SUMF1: variants seen among roughly 807,000 people sequenced by gnomAD.
The protein encoded by SUMF1 is formylglycine-generating enzyme.
In SUMF1, 48 loss-of-function variants were observed where a neutral mutation model predicts 47.6. The observed-to-expected ratio is 1.01, with a 90% confidence interval of 0.80 to 1.28. SUMF1 has a LOEUF of 1.28. Ranked by LOEUF, SUMF1 falls within the 50% of genes most tolerant of loss-of-function variation. The pLI is 0.00. For synonymous variants in SUMF1, 230 were observed against 192.1 expected, an observed-to-expected ratio of 1.20 and a Z score of -1.63; for missense variants, 571 against 485.4, an observed-to-expected ratio of 1.18 and a Z score of -1.66.
intron 8 of SUMF1, among the ~76,000 whole-genome samples, chr3:4,133,100 G>A (rs1263573176): frequency 2.0e-5 from 3 of 152,098 alleles, no homozygotes; most frequent in African/African-American, 7.3e-5. Context: ...TGCAGAAAGA[G>A]GACTGTAATT....
intron 8 of SUMF1, among the ~76,000 whole-genome samples, chr3:4,072,154 G>A (rs1032564478): frequency 1.3e-5 from 2 of 152,130 alleles, no homozygotes; most frequent in African/African-American, 4.8e-5. Flanking sequence ...GGAAAACAGG[G>A]TCTGGAGTGG....
intron 8 of SUMF1, among the ~76,000 whole-genome samples, chr3:4,130,403 G>T (rs769048440): frequency 3.9e-5 from 6 of 152,164 alleles, no homozygotes; most frequent in Non-Finnish European, 7.4e-5. Flanking sequence ...TATCTCAGGG[G>T]TATACAAACT....
chr3:4,288,739 G>A (rs894842325), intron 8 of SUMF1, among the ~76,000 whole-genome samples: 2 of 151,592 alleles, frequency 1.3e-5, no homozygotes, highest in Non-Finnish European at 2.9e-5. Flanking sequence ...GGAGGTGGAG[G>A]TTGCAGTGAG....
intron 8 of SUMF1, among the ~76,000 whole-genome samples, chr3:4,145,663 T>G (rs955400702): frequency 1.3e-5 from 2 of 152,186 alleles, no homozygotes; most frequent in African/African-American, 4.8e-5. Flanking sequence ...TCCTTTGACT[T>G]TTCATGTCTG....
intron 9 of SUMF1, among the ~76,000 whole-genome samples, chr3:4,055,125 A>C (rs1468714509): frequency 6.6e-6 from 1 of 152,182 alleles, no homozygotes; most frequent in African/African-American, 2.4e-5. Flanking sequence ...TGTTGTTGAC[A>C]CTCATCTGAA....
intron 1 of SUMF1, among the ~76,000 whole-genome samples, chr3:4,462,561 G>GT (rs1201037279): frequency 6.6e-6 from 1 of 152,018 alleles, no homozygotes; most frequent in Non-Finnish European, 1.5e-5. Context: ...ACTTGCTACC[G>GT]TAAGATTTTT....
intron 8 of SUMF1, among the ~76,000 whole-genome samples, chr3:4,271,312 G>A (rs991120240): frequency 9.2e-5 from 14 of 152,052 alleles, no homozygotes; most frequent in African/African-American, 2.7e-4. Context: ...GTGTTCTTGG[G>A]CCAACCACTC....
Position 4,457,197 on chromosome 3 carries a change from C to G in SUMF1, c.271-4148G>C, listed in dbSNP as rs2079684723. Among the ~76,000 whole-genome samples, 5 of 151,598 alleles carry G rather than the reference C, an allele frequency of 3.3e-5. 1 individual carries two copies. The South Asian group carries it at 1.0e-3, about 32-fold the overall frequency. ...CCTCAGGTGATCCACCCACCTCAGC[C>G]TCCCAAAGTGCTGGGATTACAGGCA... On this transcript the variant is annotated intron_variant, in intron 1 of 8. Coordinates refer to ENST00000272902, the MANE Select transcript of SUMF1 (RefSeq NM_182760.4).
chr3:4,255,553 A>C lies in SUMF1; in HGVS notation c.1014+120777T>G, dbSNP rs1696930553. Among the ~76,000 whole-genome samples, 6 of 55,612 alleles carry C rather than the reference A, an allele frequency of 1.1e-4. No homozygotes were observed. The South Asian group carries it at 3.0e-3, about 28-fold the overall frequency. The allele number at this position is 55,612 out of a possible 152,430, so 36.5% of individuals were successfully genotyped here. A position where few individuals can be genotyped will look rare whatever the true frequency, so the allele number is the denominator to read the frequency against. On this transcript the variant is annotated intron_variant and NMD_transcript_variant, in intron 8 of 12. Transcript: ENST00000448413. ...ATAATGGTAAAGGGATCAATTCAAC[A>C]AGAAGAGCTAACTATCCTAAATATA...
At chr3:4,456,650 A>T (rs62231418) in intron 1 of SUMF1, among the ~76,000 whole-genome samples, 1 of 119,122 alleles carries the variant, frequency 8.4e-6, no homozygotes, top group Non-Finnish European at 1.8e-5. Context: ...ATATATATAT[A>T]TGTGTGTGTA....
intron 8 of SUMF1, among the ~76,000 whole-genome samples, chr3:4,170,871 G>C (rs932205321): frequency 6.6e-6 from 1 of 152,068 alleles, no homozygotes; most frequent in South Asian, 2.1e-4. Context: ...ATGGTTTGTA[G>C]GAAAAATAAA....
Position 4,335,973 on chromosome 3 carries a change from A to AAC in SUMF1, c.1014+40356_1014+40357insGT, listed in dbSNP as rs1553558811. Among the ~76,000 whole-genome samples the AAC allele has an allele frequency of 4.3e-4, 64 of 148,314 alleles. 1 individual carries two copies. In the South Asian group the frequency reaches 5.3e-3, roughly 12 times the overall value. On this transcript the variant is annotated intron_variant and NMD_transcript_variant, in intron 8 of 12. Transcript: ENST00000448413. ...GAGATTCCAACTCAAAAAAAAAAAA[A>AAC]AAAAAAACAGAAAAAACCCCCAGCC...
intron 8 of SUMF1, among the ~76,000 whole-genome samples, chr3:4,287,333 C>T (rs1414242844): frequency 6.6e-6 from 1 of 151,638 alleles, no homozygotes; most frequent in Non-Finnish European, 1.5e-5. Flanking sequence ...CAGTTGTTCA[C>T]AGTAAAGATT....
At chr3:4,242,352 CCA>C (rs1696556994) in intron 8 of SUMF1, among the ~76,000 whole-genome samples, 1 of 152,086 alleles carries the variant, frequency 6.6e-6, no homozygotes, top group Non-Finnish European at 1.5e-5. Flanking sequence ...CTCTCGTGTG[CCA>C]GTTTTCAGAG....
intron 8 of SUMF1, among the ~76,000 whole-genome samples, chr3:4,113,195 G>GT (rs1693349478): frequency 6.6e-6 from 1 of 152,060 alleles, no homozygotes; most frequent in Admixed American, 6.5e-5. Flanking sequence ...ATTTCTATGT[G>GT]TTGGGAACGT....
At chr3:4,276,111 T>C (rs1697410223) in intron 8 of SUMF1, among the ~76,000 whole-genome samples, 1 of 152,132 alleles carries the variant, frequency 6.6e-6, no homozygotes, top group African/African-American at 2.4e-5. Flanking sequence ...CCATCTTCCC[T>C]GGGGAAATTT....
At chr3:4,100,211 CAA>C (rs1297173882) in intron 8 of SUMF1, among the ~76,000 whole-genome samples, 4 of 151,686 alleles carry the variant, frequency 2.6e-5, no homozygotes, top group Middle Eastern at 3.2e-3. Context: ...TATGGAACCA[CAA>C]AAGACACTGA....
At chr3:4,171,403 CAGTT>C (rs767303114) in intron 8 of SUMF1, among the ~76,000 whole-genome samples, 2 of 152,112 alleles carry the variant, frequency 1.3e-5, no homozygotes, top group Non-Finnish European at 2.9e-5. Context: ...GGTTAGCTAA[CAGTT>C]AGACTTGAGT....
At chr3:4,215,252 C>T (rs7631495) in intron 8 of SUMF1, among the ~76,000 whole-genome samples, 7,121 of 152,248 alleles carry the variant, frequency 0.047, 460 homozygotes, top group East Asian at 0.17. Context: ...ATATGCAAAT[C>T]AATAAACATA....
Sources: allele counts gnomAD v4.1 joint callset (sites outside exome capture counted in the v4.1 genomes callset), GRCh38; gene constraint gnomAD v4.1.1; transcripts MANE v1.5; gene names NCBI Gene and HGNC (gene_info 2026-07-23, HGNC 2026-07-21).